Variants in METTL15 observed in about 807,000 individuals in gnomAD.
METTL15 encodes 12S rRNA N(4)-cytidine methyltransferase METTL15.
A neutral mutation model predicts 38.3 loss-of-function variants in METTL15; 34 were observed. That is an observed-to-expected ratio of 0.89 (90% CI 0.68 to 1.18). The LOEUF is 1.18. METTL15 is among the 50% of genes most tolerant of loss of function. The pLI is 0.00. For missense variants in METTL15, 438 were observed against 498.4 expected, an observed-to-expected ratio of 0.88 and a Z score of 1.15; for synonymous variants, 162 against 170.9, an observed-to-expected ratio of 0.95 and a Z score of 0.41.
intron 4 of METTL15, among the ~76,000 whole-genome samples, chr11:28,230,135 A>G (rs1308151301): frequency 3.3e-5 from 5 of 151,872 alleles, no homozygotes; most frequent in Non-Finnish European, 5.9e-5. Context: ...ATTTACATTC[A>G]TTGTTGATTA....
chr11:28,200,637 C>T (rs1852077151), intron 3 of METTL15, among the ~76,000 whole-genome samples: 1 of 151,842 alleles, frequency 6.6e-6, no homozygotes, highest in Admixed American at 6.6e-5. Context: ...TTATTTTTAT[C>T]TGTATTCCTA....
intron 5 of METTL15, among the ~76,000 whole-genome samples, chr11:28,391,985 G>A (rs923341226): frequency 6.6e-6 from 1 of 152,134 alleles, no homozygotes; most frequent in Admixed American, 6.6e-5. Context: ...AAACTAAAGA[G>A]CTTCTGCACA....
intron 3 of METTL15, among the ~76,000 whole-genome samples, chr11:28,142,595 T>G (rs1051274704): frequency 6.6e-6 from 1 of 152,170 alleles, no homozygotes; most frequent in Non-Finnish European, 1.5e-5. Context: ...AACAGTAGAT[T>G]TCTATAATTT....
chr11:28,269,319 A>T (rs12797155), intron 4 of METTL15, among the ~76,000 whole-genome samples: 40,865 of 151,762 alleles, frequency 0.27, 5,973 homozygotes, highest in African/African-American at 0.37. Context: ...TATATATATA[A>T]AAAACATGAA....
intron 5 of METTL15, among the ~76,000 whole-genome samples, chr11:28,369,110 ACAG>A (rs1311142438): frequency 6.6e-6 from 1 of 151,932 alleles, no homozygotes; most frequent in Non-Finnish European, 1.5e-5. Context: ...ATGTAGCAAA[ACAG>A]CACATTCTGC....
At chr11:28,380,619 T>C (rs956454778) in intron 5 of METTL15, among the ~76,000 whole-genome samples, 3 of 152,212 alleles carry the variant, frequency 2.0e-5, no homozygotes, top group Non-Finnish European at 4.4e-5. Context: ...GTTAATTTGT[T>C]GCTTTTTATG....
chr11:28,509,917 ATT>A (rs149330971), intron 6 of METTL15, among the ~76,000 whole-genome samples: 2 of 149,446 alleles, frequency 1.3e-5, no homozygotes, highest in South Asian at 4.2e-4. Flanking sequence ...GCCAGGTATC[ATT>A]TTTTTTTTCT....
intron 5 of METTL15, among the ~76,000 whole-genome samples, chr11:28,397,257 A>G (rs1273829296): frequency 6.6e-6 from 1 of 152,080 alleles, no homozygotes; most frequent in Non-Finnish European, 1.5e-5. Flanking sequence ...TAATTGAACT[A>G]AAGAGCTTCT....
At chr11:28,388,108 TAAC>T (rs1384175882) in intron 5 of METTL15, among the ~76,000 whole-genome samples, 1 of 152,050 alleles carries the variant, frequency 6.6e-6, no homozygotes, top group African/African-American at 2.4e-5. Context: ...GGTGAAAAAC[TAAC>T]ATCTTTTCCT....
At chr11:28,399,740 G>C (rs1343491700) in intron 5 of METTL15, among the ~76,000 whole-genome samples, 13 of 151,748 alleles carry the variant, frequency 8.6e-5, no homozygotes, top group African/African-American at 2.9e-4. Context: ...TTTCCTTATT[G>C]ATAATGAAAT....
chr11:28,416,215 G>A (rs771096655), intron 5 of METTL15, among the ~76,000 whole-genome samples: 1 of 152,186 alleles, frequency 6.6e-6, no homozygotes, highest in Non-Finnish European at 1.5e-5. Flanking sequence ...CAAGCACCTT[G>A]TGTGCCTGTG....
intron 6 of METTL15, among the ~76,000 whole-genome samples, chr11:28,319,014 T>C (rs10742192): frequency 1 from 151,899 of 152,328 alleles, 75,736 homozygotes; most frequent in Non-Finnish European, 1. Flanking sequence ...GTATTCATTA[T>C]CATTCCCAGG....
At chr11:28,361,442 T>C (rs1850137445) in intron 4 of METTL15, among the ~76,000 whole-genome samples, 1 of 152,208 alleles carries the variant, frequency 6.6e-6, no homozygotes, top group African/African-American at 2.4e-5. Context: ...ATTTCAGTTA[T>C]TTGAGAACAC....
intron 4 of METTL15, among the ~76,000 whole-genome samples, chr11:28,259,625 C>T (rs1855116155): frequency 6.6e-6 from 1 of 152,202 alleles, no homozygotes; most frequent in Non-Finnish European, 1.5e-5. Context: ...TCTGGTTTCA[C>T]TTTCTGCTGT....
At chr11:28,238,455 C>T (rs374339956) in intron 4 of METTL15, among the ~76,000 whole-genome samples, 77 of 152,290 alleles carry the variant, frequency 5.1e-4, no homozygotes, top group African/African-American at 1.2e-3. Context: ...CTAAGCCCGT[C>T]GGAAAAGCGC....
At chr11:28,149,919 C>T (rs1850021314) in intron 3 of METTL15, among the ~76,000 whole-genome samples, 1 of 151,962 alleles carries the variant, frequency 6.6e-6, no homozygotes, top group Non-Finnish European at 1.5e-5. Flanking sequence ...ATTGGAAACA[C>T]TCATTGAGAC....
At chr11:28,240,112 T>C (rs943541345) in intron 4 of METTL15, among the ~76,000 whole-genome samples, 5 of 152,188 alleles carry the variant, frequency 3.3e-5, no homozygotes, top group Admixed American at 6.5e-5. Context: ...TCTATTGCAC[T>C]ATAAATGATG....
chr11:28,440,041 G>C (rs80296984), intron 6 of METTL15, among the ~76,000 whole-genome samples: 2,678 of 152,210 alleles, frequency 0.018, 52 homozygotes, highest in African/African-American at 0.051. Context: ...AGCTACCCAG[G>C]CTAAGACCCT....
intron 4 of METTL15, among the ~76,000 whole-genome samples, chr11:28,358,706 C>CT (rs1212989445): frequency 6.6e-6 from 1 of 152,110 alleles, no homozygotes; most frequent in East Asian, 1.9e-4. Context: ...AGGGGAGAGA[C>CT]TATGTGATTT....
Sources: gnomAD v4.1 joint callset for allele counts (sites outside exome capture counted in the v4.1 genomes callset) on GRCh38, gnomAD v4.1.1 for gene constraint, MANE v1.5 for transcripts, NCBI Gene and HGNC (gene_info 2026-07-23, HGNC 2026-07-21) for gene names.